CTNNA1: variants seen among roughly 807,000 people sequenced by gnomAD.
CTNNA1 encodes catenin alpha-1.
In CTNNA1, 37 loss-of-function variants were observed where a neutral mutation model predicts 98.4. The observed-to-expected ratio is 0.38, with a 90% CI of 0.29 to 0.49. CTNNA1 has a LOEUF of 0.49. Among genes scored for constraint, CTNNA1 ranks in the 20% least tolerant of loss-of-function variants. The pLI is 0.95. For missense variants in CTNNA1, 761 were observed against 1,147.2 expected (o/e 0.66, Z 4.86); for synonymous variants, 404 against 413.2 (o/e 0.98, Z 0.27).
intron 1 of CTNNA1, among the ~76,000 whole-genome samples, chr5:138,765,670 G>C (rs985035389): frequency 1.3e-5 from 2 of 152,042 alleles, no homozygotes; most frequent in African/African-American, 2.4e-5. Flanking sequence ...AAGAATTGGC[G>C]CTGGGCGAGG....
chr5:138,786,797 C>A (rs1321465898), intron 3 of CTNNA1, among the ~76,000 whole-genome samples: 8 of 152,180 alleles, frequency 5.3e-5, no homozygotes, highest in Admixed American at 3.9e-4. Context: ...CAGACAACAT[C>A]AGTCCTGACC....
At chr5:138,834,417 C>T (rs1249748907) in intron 7 of CTNNA1, among the ~76,000 whole-genome samples, 1 of 152,042 alleles carries the variant, frequency 6.6e-6, no homozygotes, top group African/African-American at 2.4e-5. Context: ...TAATGATTGT[C>T]CATACTTTTA....
chr5:138,843,538 A>G (rs1224794215), intron 7 of CTNNA1, among the ~76,000 whole-genome samples: 1 of 152,186 alleles, frequency 6.6e-6, no homozygotes. Context: ...TCTTAAGCCA[A>G]TTAGATTCTC....
chr5:138,855,766 A>G (rs961755556), intron 7 of CTNNA1, among the ~76,000 whole-genome samples: 9 of 152,358 alleles, frequency 5.9e-5, no homozygotes, highest in Admixed American at 5.9e-4. Flanking sequence ...TGGGTTGGCT[A>G]AGTAAAAATG....
rs1760427640 is a variant in CTNNA1 at position 138,824,472 on chromosome 5, A to C, written c.589-58A>C. 8.4e-6 allele frequency: 13 copies of C among 1,547,190 alleles called. No individual in the cohort carries two copies. In the South Asian group the frequency reaches 1.6e-4, roughly 19 times the overall value. On this transcript the variant is annotated intron_variant, in intron 5 of 17. Transcript: ENST00000302763. ...TTTCAGCATTTACCAGCAAATTTTTATATGAGTAAAGCCCATATAAAGAGT... is the reference window on the plus strand; with the variant it reads ...TTTCAGCATTTACCAGCAAATTTTTCTATGAGTAAAGCCCATATAAAGAGT...
At chr5:138,776,872 C>T (rs1243307256) in intron 1 of CTNNA1, among the ~76,000 whole-genome samples, 4 of 132,390 alleles carry the variant, frequency 3.0e-5, no homozygotes, top group Non-Finnish European at 4.9e-5. Flanking sequence ...ACCTCCCTCC[C>T]GGGCGGGGCG....
In CTNNA1 at chr5:138,873,425, G is replaced by A. The variant is rs746360538; in HGVS notation, c.1063-12787G>A. On this transcript the variant is annotated intron_variant, in intron 7 of 17. Coordinates refer to ENST00000302763, the MANE Select transcript of CTNNA1 (RefSeq NM_001903.5). The surrounding 1 kb of genome is among the most constrained non-coding windows in gnomAD (Gnocchi z 6.1). ...TGAGCTTATTCTTTTTGTATATTCA[G>A]TGGTTGGATCTCTATAAGTTGTAGC... The A allele has an allele frequency of 1.9e-6, 3 of 1,613,996 alleles. No individual in the cohort carries two copies. Among genetic ancestry groups the A allele is most frequent in the Non-Finnish European group, 2.5e-6 (3 of 1,179,898 alleles).
At chr5:138,846,153 T>G (rs1175523889) in intron 7 of CTNNA1, among the ~76,000 whole-genome samples, 1 of 152,194 alleles carries the variant, frequency 6.6e-6, no homozygotes, top group Non-Finnish European at 1.5e-5. Flanking sequence ...GGTTTCACCA[T>G]CTTGGCCAGG....
intron 7 of CTNNA1, among the ~76,000 whole-genome samples, chr5:138,885,794 C>T (rs1753902272): frequency 6.6e-6 from 1 of 152,120 alleles, no homozygotes; most frequent in Admixed American, 6.5e-5. Flanking sequence ...TCCCATTTTT[C>T]ACATCTTGAC....
intron 1 of CTNNA1, among the ~76,000 whole-genome samples, chr5:138,759,797 TTGAC>T (rs1752111151): frequency 6.6e-6 from 1 of 152,036 alleles, no homozygotes; most frequent in African/African-American, 2.4e-5. Flanking sequence ...AGGGCTGAAA[TTGAC>T]TGAAATTAAC....
chr5:138,827,742 A>G (rs1394178619), intron 7 of CTNNA1, 24 bp downstream of exon 7: 1 of 1,612,934 alleles, frequency 6.2e-7, no homozygotes, highest in Middle Eastern at 1.7e-4. Context: ...CTTTTCTTTG[A>G]AGTAAGATAT....
chr5:138,759,904 C>T (rs12659169), intron 1 of CTNNA1, among the ~76,000 whole-genome samples: 2 of 145,098 alleles, frequency 1.4e-5, no homozygotes, highest in Non-Finnish European at 3.0e-5. Context: ...GTGTAATTGT[C>T]TAGGTGGGGA....
At chr5:138,887,679 C>T in intron 9 of CTNNA1, 37 bp downstream of exon 9, 1 of 1,576,938 alleles carries the variant, frequency 6.3e-7, no homozygotes, top group Non-Finnish European at 8.6e-7. Context: ...TTGTAGGCAA[C>T]TTGGTGAAGT....
intron 3 of CTNNA1, among the ~76,000 whole-genome samples, chr5:138,805,403 A>G (rs142852555): frequency 2.6e-5 from 4 of 152,222 alleles, no homozygotes; most frequent in African/African-American, 7.2e-5. Flanking sequence ...TAATTTCCTC[A>G]TATTCTTGCC....
At chr5:138,900,889 A>T (rs1396481536) in intron 9 of CTNNA1, among the ~76,000 whole-genome samples, 1 of 152,176 alleles carries the variant, frequency 6.6e-6, no homozygotes, top group Non-Finnish European at 1.5e-5. Flanking sequence ...GTAGGCACAG[A>T]TGGTACAAAA....
At chr5:138,932,863 T>A in intron 17 of CTNNA1, 151 bp downstream of exon 17, 1 of 976,166 alleles carries the variant, frequency 1.0e-6, no homozygotes, top group Middle Eastern at 2.1e-4. Flanking sequence ...GAGACCAAGG[T>A]CTGTCCATCA....
intron 10 of CTNNA1, among the ~76,000 whole-genome samples, chr5:138,914,450 A>G (rs1461970201): frequency 6.6e-6 from 1 of 152,224 alleles, no homozygotes; most frequent in African/African-American, 2.4e-5. Context: ...TGAGAAAAAC[A>G]AGGATCTCTT....
intron 7 of CTNNA1, among the ~76,000 whole-genome samples, chr5:138,834,074 T>C (rs1159516090): frequency 2.6e-5 from 4 of 152,342 alleles, no homozygotes; most frequent in African/African-American, 7.2e-5. Flanking sequence ...TGAAAAGATA[T>C]ATTGTTATTA....
At chr5:138,906,015 ATTTGGC>A (rs1385096092) in intron 10 of CTNNA1, among the ~76,000 whole-genome samples, 3 of 152,168 alleles carry the variant, frequency 2.0e-5, no homozygotes, top group Non-Finnish European at 2.9e-5. Flanking sequence ...TGTGACTATT[ATTTGGC>A]TTTTTTCATG....
Sources: allele counts gnomAD v4.1 joint callset (sites outside exome capture counted in the v4.1 genomes callset), GRCh38; gene constraint gnomAD v4.1.1; non-coding constraint Gnocchi (gnomAD v3.1); transcripts MANE v1.5; gene names NCBI Gene and HGNC (gene_info 2026-07-23, HGNC 2026-07-21).